The following RARB variants were observed in gnomAD, a reference collection of about 807,000 sequenced individuals.
RARB encodes retinoic acid receptor beta, also known as HBV-activated protein.
A neutral mutation model predicts 51.9 loss-of-function variants in RARB; 17 were observed. The observed-to-expected ratio is 0.33, with a 90% CI of 0.22 to 0.49. The LOEUF is 0.49. RARB is among the 20% of genes least tolerant of loss of function. The pLI is 0.99. For missense variants in RARB, 369 were observed against 550.8 expected (o/e 0.67, Z 3.30); for synonymous variants, 215 against 195.4 (o/e 1.10, Z -0.84).
At chr3:25,469,732 A>G (rs896922603) in intron 2 of RARB, among the ~76,000 whole-genome samples, 1 of 152,178 alleles carries the variant, frequency 6.6e-6, no homozygotes, top group African/African-American at 2.4e-5. Flanking sequence ...ATTTTTTCCA[A>G]TGCTGAATCC....
chr3:25,379,018 G>A (rs937599392), intron 5 of RARB, among the ~76,000 whole-genome samples: 2 of 152,192 alleles, frequency 1.3e-5, no homozygotes, highest in Non-Finnish European at 2.9e-5. Context: ...TTGATTTTAT[G>A]TAAACATAAC....
intron 4 of RARB, among the ~76,000 whole-genome samples, chr3:25,573,980 A>G (rs1700817314): frequency 6.6e-6 from 1 of 152,224 alleles, no homozygotes; most frequent in East Asian, 1.9e-4. Flanking sequence ...CTCACCCACA[A>G]TCTTCAGAGC....
At chr3:25,120,879 T>C (rs534092627) in intron 3 of RARB, among the ~76,000 whole-genome samples, 1 of 152,236 alleles carries the variant, frequency 6.6e-6, no homozygotes, top group East Asian at 1.9e-4. Context: ...GTCATTGACA[T>C]ATTGTCTATG....
chr3:24,926,234 G>A (rs1262058856), intron 2 of RARB, among the ~76,000 whole-genome samples: 1 of 152,188 alleles, frequency 6.6e-6, no homozygotes, highest in South Asian at 2.1e-4. Context: ...AAACATTAGG[G>A]GAGAAGAAGA....
intron 2 of RARB, among the ~76,000 whole-genome samples, chr3:24,901,692 T>C (rs1415841643): frequency 6.6e-6 from 1 of 152,234 alleles, no homozygotes; most frequent in Non-Finnish European, 1.5e-5. Context: ...TTAGCTCTCC[T>C]TTCTCCATGT....
At chr3:25,495,319 A>G (rs564864455) in intron 2 of RARB, among the ~76,000 whole-genome samples, 1 of 152,198 alleles carries the variant, frequency 6.6e-6, no homozygotes, top group Non-Finnish European at 1.5e-5. Flanking sequence ...ACTTTTTTCC[A>G]TGTCCTTTCT....
rs552285931 is a variant in RARB at position 24,970,245 on chromosome 3, G to A, written c.-379-89880G>A. Among the ~76,000 whole-genome samples, 271 of 152,158 alleles carry A rather than the reference G, an allele frequency of 1.8e-3. 2 individuals are homozygous for A. The highest frequency in any genetic ancestry group is 6.8e-3 in the Middle Eastern group (2 of 294). ...TTAGAAGGAATTCTACATCTTTTAA[G>A]CAATCAGCAAAGCAAAGAACGTGTA... On this transcript the variant is annotated intron_variant, in intron 2 of 11. Transcript: ENST00000383772.
At chr3:25,268,170 C>A (rs1035919821) in intron 5 of RARB, among the ~76,000 whole-genome samples, 2 of 152,140 alleles carry the variant, frequency 1.3e-5, no homozygotes, top group Non-Finnish European at 2.9e-5. Context: ...CAGCTCTCAG[C>A]GGTAGATTTC....
At chr3:25,489,405 C>G (rs1054379524) in intron 2 of RARB, among the ~76,000 whole-genome samples, 2 of 152,112 alleles carry the variant, frequency 1.3e-5, no homozygotes, top group African/African-American at 4.8e-5. Flanking sequence ...TCTTCCTTTC[C>G]TTGCATATAA....
chr3:25,379,072 T>C (rs940783239), intron 5 of RARB, among the ~76,000 whole-genome samples: 1 of 152,144 alleles, frequency 6.6e-6, no homozygotes, highest in African/African-American at 2.4e-5. Context: ...CATAAGTTGT[T>C]GGGGATTTAT....
intron 2 of RARB, among the ~76,000 whole-genome samples, chr3:24,906,353 A>T (rs565050049): frequency 3.3e-5 from 5 of 152,342 alleles, no homozygotes; most frequent in African/African-American, 1.2e-4. Context: ...TGCAGGCAGA[A>T]TGAAAATTCA....
At chr3:25,094,590 C>T (rs1327538877) in intron 3 of RARB, among the ~76,000 whole-genome samples, 5 of 151,662 alleles carry the variant, frequency 3.3e-5, no homozygotes, top group African/African-American at 1.2e-4. Context: ...TGATGGCATG[C>T]GCCTGTGGTC....
intron 1 of RARB, among the ~76,000 whole-genome samples, chr3:24,844,952 G>A (rs570888016): frequency 1.3e-4 from 20 of 152,180 alleles, no homozygotes; most frequent in Admixed American, 3.9e-4. Context: ...AATGACCAAC[G>A]TCTTCCTCTT....
intron 3 of RARB, among the ~76,000 whole-genome samples, chr3:25,553,932 A>T (rs1699943712): frequency 6.6e-6 from 1 of 151,708 alleles, no homozygotes; most frequent in African/African-American, 2.4e-5. Flanking sequence ...TTCTGTGCAG[A>T]TTTTCTCTGG....
intron 3 of RARB, among the ~76,000 whole-genome samples, chr3:25,128,311 A>G (rs1699893105): frequency 1.3e-5 from 2 of 151,976 alleles, no homozygotes; most frequent in African/African-American, 4.8e-5. Context: ...CAGCTGTAAC[A>G]TGAAAATAAG....
intron 1 of RARB, among the ~76,000 whole-genome samples, chr3:25,455,666 A>G (rs1456181974): frequency 3.3e-5 from 5 of 152,178 alleles, no homozygotes; most frequent in African/African-American, 9.7e-5. Context: ...CCCTCTCAGC[A>G]TCACTGGTGC....
At chr3:25,591,121 G>A (rs1701594377) in intron 5 of RARB, among the ~76,000 whole-genome samples, 1 of 152,198 alleles carries the variant, frequency 6.6e-6, no homozygotes, top group African/African-American at 2.4e-5. Context: ...CAAGTATCTG[G>A]GAGGTGAAAA....
At chr3:25,166,784 G>A (rs1478747310) in intron 4 of RARB, among the ~76,000 whole-genome samples, 1 of 152,126 alleles carries the variant, frequency 6.6e-6, no homozygotes, top group Non-Finnish European at 1.5e-5. Flanking sequence ...TGTGTCTCAA[G>A]GCCAACTCTA....
chr3:25,548,642 CAAAAA>C (rs35411774), intron 3 of RARB, among the ~76,000 whole-genome samples: 1 of 73,598 alleles, frequency 1.4e-5, no homozygotes, highest in Non-Finnish European at 2.5e-5. Context: ...CCTCCCCCGA[CAAAAA>C]AAAAAAAAAA....
Sources: gnomAD v4.1 joint callset for allele counts (sites outside exome capture counted in the v4.1 genomes callset) on GRCh38, gnomAD v4.1.1 for gene constraint, MANE v1.5 for transcripts, NCBI Gene and HGNC (gene_info 2026-07-23, HGNC 2026-07-21) for gene names.